DBF4B: variants seen among roughly 807,000 people sequenced by gnomAD.
DBF4B encodes protein DBF4 homolog B.
DBF4B carries 49 observed loss-of-function variants against 53.4 expected under a neutral mutation model. That is an observed-to-expected ratio of 0.92 (90% CI 0.73 to 1.16). The LOEUF (loss-of-function observed/expected upper bound fraction) is 1.16. Ranked by LOEUF, DBF4B falls within the 50% of genes most tolerant of loss-of-function variation. DBF4B has a pLI of 0.00. For synonymous variants in DBF4B, 257 were observed against 288.7 expected, an observed-to-expected ratio of 0.89 and a Z score of 1.11; for missense variants, 692 against 775.0, an observed-to-expected ratio of 0.89 and a Z score of 1.27.
intron 3 of DBF4B, among the ~76,000 whole-genome samples, chr17:44,726,723 C>T (rs1974379970): frequency 6.6e-6 from 1 of 152,092 alleles, no homozygotes; most frequent in African/African-American, 2.4e-5. Context: ...GACATTTAGA[C>T]TCTTAATAAT....
chr17:44,746,816 CAAA>C (rs537023750), intron 10 of DBF4B, among the ~76,000 whole-genome samples: 7 of 124,880 alleles, frequency 5.6e-5, no homozygotes, highest in Admixed American at 1.7e-4. Context: ...TAGACTCTCT[CAAA>C]AAAAAAAAAA....
At chr17:44,716,200 AGAAGGGG>A (rs1973326587) in intron 2 of DBF4B, among the ~76,000 whole-genome samples, 1 of 152,028 alleles carries the variant, frequency 6.6e-6, no homozygotes, top group Admixed American at 6.6e-5. Context: ...AAGAGTGAGG[AGAAGGGG>A]TTGTCAACTT....
rs1407241379 is a variant in DBF4B at position 44,715,313 on chromosome 17, G to T, written c.82+5947G>T. On this transcript the variant is annotated intron_variant, in intron 2 of 13. Transcript: ENST00000315005. The stretch of plus-strand genomic sequence containing the variant: ...ACTCCCAAGTTCAAGTGATTCTCCA[G>T]TCTCAGCCTCCTAAGTAGCTGGGAT... Among the ~76,000 whole-genome samples, 3 of 152,076 alleles carry T rather than the reference G, an allele frequency of 2.0e-5. 1 individual carries two copies. Among genetic ancestry groups the T allele is most frequent in the Non-Finnish European group, 4.4e-5 (3 of 68,002 alleles).
intron 2 of DBF4B, chr17:44,718,892 C>G (rs1382863057): frequency 1.3e-5 from 2 of 151,600 alleles, no homozygotes; most frequent in Admixed American, 6.6e-5. Flanking sequence ...ACCCGGGAGA[C>G]AGAGGTTGTA....
At chr17:44,740,517 G>A (rs1369867074) in intron 9 of DBF4B, among the ~76,000 whole-genome samples, 1 of 152,050 alleles carries the variant, frequency 6.6e-6, no homozygotes, top group Non-Finnish European at 1.5e-5. Context: ...TCAGAACCCA[G>A]CCCTCAGATA....
chr17:44,715,072 T>C (rs1345456800), intron 2 of DBF4B, among the ~76,000 whole-genome samples: 3 of 152,208 alleles, frequency 2.0e-5, no homozygotes, highest in Non-Finnish European at 4.4e-5. Context: ...TCATTTTCTT[T>C]AGTTCTGGGA....
In DBF4B at chr17:44,741,190, G is replaced by T. The variant is rs189028322; in HGVS notation, c.714-146G>T. 327 of 650,132 alleles carry T rather than the reference G, an allele frequency of 5.0e-4. 1 individual carries two copies. The African/African-American group carries it at 5.4e-3, about 11-fold the overall frequency. 40.3% of individuals were successfully genotyped at this position (650,132 alleles called of 1,614,324 possible). The stretch of plus-strand genomic sequence containing the variant: ...ATATGTATTAATTTAACCTAGAAAG[G>T]CTGATGAGTTTTGTTATAGAATTTA... On this transcript the variant is annotated intron_variant, in intron 9 of 13. Transcript: ENST00000315005.
At chr17:44,730,846 C>A in intron 4 of DBF4B, 119 bp from the exon 5 acceptor site, 2 of 995,404 alleles carry the variant, frequency 2.0e-6, no homozygotes, top group Non-Finnish European at 3.0e-6. Flanking sequence ...GTTGTCACTG[C>A]TCCCAGCTTT....
At chr17:44,726,053 G>A (rs997290171) in intron 3 of DBF4B, among the ~76,000 whole-genome samples, 4 of 149,976 alleles carry the variant, frequency 2.7e-5, no homozygotes, top group South Asian at 2.1e-4. Context: ...GCAATGGTGC[G>A]ATCTCAGCTC....
chr17:44,749,669 C>T lies in DBF4B; in HGVS notation c.1190-926C>T, dbSNP rs2049225979. ...GCTTGCCCAGCTGAGGCTGGCCGCC[C>T]ACGCCAGGAGGCAGAGGCGAAGTTG... On this transcript the variant is annotated intron_variant, in intron 13 of 13. Coordinates refer to ENST00000315005, the MANE Select transcript of DBF4B (RefSeq NM_145663.3). This position sits in a 1 kb window ranked among gnomAD's most constrained non-coding sequence, Gnocchi z 4.4. The T allele has an allele frequency of 1.7e-6, 2 of 1,168,396 alleles. No homozygotes were observed. Among genetic ancestry groups the T allele is most frequent in the Admixed American group, 3.7e-5 (1 of 27,066 alleles). 72.4% of individuals were successfully genotyped at this position (1,168,396 alleles called of 1,614,324 possible).
At chr17:44,725,116 C>CAAAAAAAA (rs57821218) in intron 3 of DBF4B, among the ~76,000 whole-genome samples, 1 of 47,570 alleles carries the variant, frequency 2.1e-5, no homozygotes, top group Non-Finnish European at 4.2e-5. Context: ...GACTCCATCT[C>CAAAAAAAA]AAAAAAAAAA....
chr17:44,730,965 G>T lies in DBF4B; in HGVS notation c.418G>T (p.Val140Leu). The change falls in exon 5 of 14, where the codon GTG becomes TTG. Residue 140 changes from valine (V) to leucine (L), a missense_variant and splice_region_variant. Transcript: ENST00000315005. ...CTCACTGCTCTTCTGTCCCTGTCAG[G>T]TGCCTCTAAGCAGAGGGAAGGAGCT... ...PRPSRKPVDS[V>L]PLSRGKELLQ... 1.2e-6 allele frequency: 2 copies of T among 1,613,886 alleles called. No homozygotes were observed. The highest frequency in any genetic ancestry group is 2.2e-5 in the East Asian group (1 of 44,876).
intron 6 of DBF4B, among the ~76,000 whole-genome samples, chr17:44,733,295 C>A (rs1975026061): frequency 6.6e-6 from 1 of 152,242 alleles, no homozygotes; most frequent in South Asian, 2.1e-4. Flanking sequence ...AGGGATTAGG[C>A]AAATTGTCCA....
Position 44,748,404 on chromosome 17 carries a change from G to A in DBF4B, c.1128G>A (p.Gln376=). The part of the protein sequence containing the change: ...PLCPETLHPH[Q]PSHPRAASPR... The stretch of plus-strand genomic sequence containing the variant: ...GTCCTGAGACTCTGCACCCCCATCA[G>A]CCCTCCCATCCCAGGGCAGCATCTC... Residue 376 remains glutamine (Q), a synonymous_variant, in exon 13 of 14, where the codon CAG becomes CAA. Transcript: ENST00000315005. 1.2e-6 allele frequency: 2 copies of A among 1,613,844 alleles called. No homozygotes were observed. The highest frequency in any genetic ancestry group is 1.7e-6 in the Non-Finnish European group (2 of 1,179,858).
intron 2 of DBF4B, among the ~76,000 whole-genome samples, chr17:44,715,223 G>A (rs539190817): frequency 3.3e-5 from 5 of 151,140 alleles, no homozygotes; most frequent in African/African-American, 9.7e-5. Flanking sequence ...TTTTTGAGAC[G>A]GAGTTTTGCT....
chr17:44,721,216 T>TCCCC (rs11441095), intron 2 of DBF4B, among the ~76,000 whole-genome samples: 22 of 118,032 alleles, frequency 1.9e-4, no homozygotes, highest in African/African-American at 2.3e-4. Context: ...AACTAATTCT[T>TCCCC]CCCCCCCCCT....
chr17:44,747,748 G>A (rs2049145082), intron 12 of DBF4B, among the ~76,000 whole-genome samples: 1 of 152,158 alleles, frequency 6.6e-6, no homozygotes, highest in African/African-American at 2.4e-5. Context: ...ACTACACTGT[G>A]GCTCCCTTCC....
At chr17:44,726,888 C>T (rs925384850) in intron 3 of DBF4B, among the ~76,000 whole-genome samples, 1 of 152,048 alleles carries the variant, frequency 6.6e-6, no homozygotes, top group Non-Finnish European at 1.5e-5. Flanking sequence ...CACTTAAGGC[C>T]AAGAGTTCAA....
Position 44,750,679 on chromosome 17 carries a change from T to G in DBF4B, c.1274T>G (p.Val425Gly). Residue 425 changes from valine (V) to glycine (G), a missense_variant, in exon 14 of 14, where the codon GTG (valine) becomes GGG (glycine). Physicochemically the swap from Val to Gly is moderately radical, Grantham distance 109 (BLOSUM62 -3). Transcript: ENST00000315005. ...GGACCTCCTGCAAGTCACACATGTG[T>G]GAGTGCCACAACCCTCCTGCCGGCC... Reference protein sequence around the residue: ...VMGPPASHTCVSATTLLPALP... With the variant: ...VMGPPASHTCGSATTLLPALP... 2 of 1,614,060 alleles carry G rather than the reference T, an allele frequency of 1.2e-6. No individual in the cohort carries two copies. Among genetic ancestry groups the G allele is most frequent in the South Asian group, 1.1e-5 (1 of 91,092 alleles).
Sources: gnomAD v4.1 joint callset for allele counts (sites outside exome capture counted in the v4.1 genomes callset) on GRCh38, gnomAD v4.1.1 for gene constraint, Gnocchi (gnomAD v3.1) non-coding constraint, MANE v1.5 for transcripts, NCBI Gene and HGNC (gene_info 2026-07-23, HGNC 2026-07-21) for gene names.